Variants in UGT2B11 observed in about 807,000 individuals in gnomAD.
UGT2B11 encodes the protein UDP glucuronosyltransferase family 2 member B11.
In UGT2B11, 49 loss-of-function variants were observed where a neutral mutation model predicts 51.7. That is an observed-to-expected ratio of 0.95 (90% CI 0.75 to 1.20). The LOEUF (loss-of-function observed/expected upper bound fraction) is 1.20, where lower values mean the gene tolerates loss of function less well. UGT2B11 is among the 50% of genes most tolerant of loss of function. The pLI, the probability that UGT2B11 is intolerant of heterozygous loss-of-function variation, is 0.00. For synonymous variants in UGT2B11, 273 were observed against 209.0 expected, an observed-to-expected ratio of 1.31 and a Z score of -2.64; for missense variants, 810 against 622.1, an observed-to-expected ratio of 1.30 and a Z score of -3.21.
At chr4:69,222,803 T>G in the UGT2B11 span, among the ~76,000 whole-genome samples, 21 of 152,332 alleles carry the variant, frequency 1.4e-4, no homozygotes, top group African/African-American at 4.1e-4. Flanking sequence ...TGCACATGAA[T>G]GGGCCCAAAT....
rs1023300439 is a variant in UGT2B11 at position 69,200,212 on chromosome 4, T to C, written c.*228A>G. 2.1e-6 allele frequency: 1 copy of C among 469,912 alleles called. No homozygotes were observed. The highest frequency in any genetic ancestry group is 2.0e-5 in the African/African-American group (1 of 49,286). The allele number at this position is 469,912 out of a possible 1,614,324, so 29.1% of individuals were successfully genotyped here. On this transcript the variant is annotated 3_prime_UTR_variant, in exon 6 of 6. Transcript: ENST00000446444. Reference sequence around the variant, plus strand: ...AAATGGCTTTATATTATTTTTTAATTTTCCTAGTATTTTCTTCATTGCCAC... The same window carrying C: ...AAATGGCTTTATATTATTTTTTAATCTTCCTAGTATTTTCTTCATTGCCAC...
At chr4:69,203,057 G>A (rs191933848) in intron 5 of UGT2B11, among the ~76,000 whole-genome samples, 3,024 of 151,508 alleles carry the variant, frequency 0.02, 61 homozygotes, top group Middle Eastern at 0.088. Context: ...GTGCTTCAAA[G>A]ACCATCATCA....
At chr4:69,207,284 C>T (rs1434017510) in intron 3 of UGT2B11, among the ~76,000 whole-genome samples, 1 of 151,570 alleles carries the variant, frequency 6.6e-6, no homozygotes, top group Non-Finnish European at 1.5e-5. Context: ...CAAAGCAATC[C>T]TCACAAACTG....
upstream of UGT2B11, among the ~76,000 whole-genome samples, chr4:69,219,630 G>A (rs1448510636): frequency 1.3e-5 from 2 of 152,142 alleles, no homozygotes; most frequent in Non-Finnish European, 2.9e-5. Context: ...AGGCAAATGA[G>A]AAGCAATGTT....
At chr4:69,220,183 A>T in the UGT2B11 span, among the ~76,000 whole-genome samples, 1 of 152,150 alleles carries the variant, frequency 6.6e-6, no homozygotes, top group Non-Finnish European at 1.5e-5. Flanking sequence ...TCATTGCCAA[A>T]ATGATCTTCT....
chr4:69,220,023 A>C, the UGT2B11 span, among the ~76,000 whole-genome samples: 2 of 152,196 alleles, frequency 1.3e-5, no homozygotes, highest in African/African-American at 2.4e-5. Context: ...CTAAAAAACA[A>C]AAGCAAGTTA....
rs761870263 is a variant in UGT2B11 at position 69,214,246 on chromosome 4, C to T, written c.477G>A (p.Leu159=). The T allele has an allele frequency of 6.2e-6, 10 of 1,613,272 alleles. No individual in the cohort carries two copies. The highest frequency in any genetic ancestry group is 2.2e-5 in the East Asian group (1 of 44,816). The change falls in exon 1 of 6, where the codon CTG becomes CTA. Residue 159 remains leucine, a synonymous_variant. Coordinates refer to ENST00000446444, the MANE Select transcript of UGT2B11 (RefSeq NM_001073.3). ...FADAVFPCGE[L]LAALLNIRFV... ...ACCGTATGTTAAGTAGCGCAGCCAG[C>T]AGCTCACCACAGGGAAAAACAGCAT...
At chr4:69,203,772 T>C (rs955525027) in intron 5 of UGT2B11, among the ~76,000 whole-genome samples, 1 of 151,738 alleles carries the variant, frequency 6.6e-6, no homozygotes, top group African/African-American at 2.4e-5. Context: ...TATGATTCCA[T>C]TTATATGAAA....
intron 2 of UGT2B11, among the ~76,000 whole-genome samples, chr4:69,212,111 T>C (rs58510074): frequency 0.22 from 32,563 of 151,422 alleles, 4,039 homozygotes; most frequent in African/African-American, 0.33. Flanking sequence ...CTGATGCTTT[T>C]TTGACATTGG....
At position 69,204,579 on chromosome 4, in the gene UGT2B11, C is replaced by T. The variant is rs750443191; in HGVS notation, c.1161G>A (p.Gly387=). Residue 387 remains glycine, a synonymous_variant, in exon 5 of 6, where the codon GGG becomes GGA. Coordinates refer to ENST00000446444, the MANE Select transcript of UGT2B11 (RefSeq NM_001073.3). The part of the protein sequence containing the change: ...ANGIYEAIYH[G]IPMVGIPLFF... ...ACAATGGAATGCCCACCATAGGGAT[C>T]CCATGGTAGATTGCCTCATAGATGC... 8 of 1,612,064 alleles carry T rather than the reference C, an allele frequency of 5.0e-6. No homozygotes were observed. Among genetic ancestry groups the T allele is most frequent in the Non-Finnish European group, 6.8e-6 (8 of 1,178,844 alleles).
At chr4:69,210,851 C>T (rs1012101629) in intron 2 of UGT2B11, among the ~76,000 whole-genome samples, 2 of 151,536 alleles carry the variant, frequency 1.3e-5, no homozygotes, top group Admixed American at 1.3e-4. Flanking sequence ...CATAATAATG[C>T]ATTGAAGAAT....
upstream of UGT2B11, among the ~76,000 whole-genome samples, chr4:69,216,962 T>C (rs530819025): frequency 1.5e-3 from 229 of 152,238 alleles, 1 homozygote; most frequent in African/African-American, 5.3e-3. Flanking sequence ...ATTTTCTCTA[T>C]GTATTTTCAC....
At position 69,205,581 on chromosome 4, in the gene UGT2B11, G is replaced by C; in HGVS notation, c.1003-14C>G. 2 of 1,607,620 alleles carry C rather than the reference G, an allele frequency of 1.2e-6. No homozygotes were observed. Among genetic ancestry groups the C allele is most frequent in the Non-Finnish European group, 1.7e-6 (2 of 1,176,652 alleles). On this transcript the variant is annotated splice_polypyrimidine_tract_variant and intron_variant, in intron 3 of 5. Coordinates refer to ENST00000446444, the MANE Select transcript of UGT2B11 (RefSeq NM_001073.3). ...TCTCCACAGAACCTGTTACAGTAAAGAGAATATCTTATTCCATGAGTGGAA... is the reference window on the plus strand; with the variant it reads ...TCTCCACAGAACCTGTTACAGTAAACAGAATATCTTATTCCATGAGTGGAA...
upstream of UGT2B11, among the ~76,000 whole-genome samples, chr4:69,218,805 A>G (rs1722337405): frequency 6.6e-6 from 1 of 152,060 alleles, no homozygotes; most frequent in East Asian, 1.9e-4. Flanking sequence ...TTTTTCTTAT[A>G]TAGGAGTTGT....
At chr4:69,224,304 G>A in the UGT2B11 span, among the ~76,000 whole-genome samples, 3 of 152,096 alleles carry the variant, frequency 2.0e-5, no homozygotes, top group Admixed American at 1.3e-4. Context: ...CTTTGGAGGG[G>A]CCATGGTCTC....
In UGT2B11 at chr4:69,200,376, C is replaced by A; in HGVS notation, c.*64G>T. 6.2e-6 allele frequency: 6 copies of A among 961,300 alleles called. No individual in the cohort carries two copies. The highest frequency in any genetic ancestry group is 2.3e-5 in the African/African-American group (1 of 43,634). 59.5% of individuals were successfully genotyped at this position (961,300 alleles called of 1,614,324 possible). A position where few individuals can be genotyped will look rare whatever the true frequency, so the allele number is the denominator to read the frequency against. On this transcript the variant is annotated 3_prime_UTR_variant, in exon 6 of 6. Transcript: ENST00000446444. ...AATCTTGCATAACAATCTTTTCTTT[C>A]TTGCTGGAATAAACTGAAGTTGTCC...
chr4:69,221,921 C>A, the UGT2B11 span, among the ~76,000 whole-genome samples: 1 of 152,244 alleles, frequency 6.6e-6, no homozygotes, highest in Non-Finnish European at 1.5e-5. Flanking sequence ...TCCTCTGGGG[C>A]AGTGCACCAA....
chr4:69,214,864 A>G, upstream of UGT2B11: 1 of 1,345,372 alleles, frequency 7.4e-7, no homozygotes, highest in Non-Finnish European at 1.0e-6. Context: ...ATGGATGGCA[A>G]GGAGACAAAC....
chr4:69,207,248 A>G (rs1721893707), intron 3 of UGT2B11, among the ~76,000 whole-genome samples: 1 of 151,752 alleles, frequency 6.6e-6, no homozygotes, highest in South Asian at 2.1e-4. Flanking sequence ...AGACATTCTT[A>G]TTTTAAGTTA....
Sources: allele counts gnomAD v4.1 joint callset (sites outside exome capture counted in the v4.1 genomes callset), GRCh38; gene constraint gnomAD v4.1.1; transcripts MANE v1.5; gene names NCBI Gene and HGNC (gene_info 2026-07-23, HGNC 2026-07-21).